ACYP2: variants seen among roughly 807,000 people sequenced by gnomAD.
The protein encoded by ACYP2 is acylphosphatase-2.
In ACYP2, 12 loss-of-function variants were observed where a neutral mutation model predicts 11.2. That is an observed-to-expected ratio of 1.08 (90% CI 0.69 to 1.74). ACYP2 has a LOEUF of 1.74. Among genes scored for constraint, ACYP2 ranks in the 40% most tolerant of loss-of-function variants. The probability of loss-of-function intolerance (pLI) is 0.00; values close to 1 mark genes in which losing one functional copy is unlikely to be tolerated. For synonymous variants in ACYP2, 43 were observed against 32.2 expected (o/e 1.33, Z -1.13); for missense variants, 134 against 101.9 (o/e 1.31, Z -1.35).
At chr2:54,051,177 G>T in intron 3 of ACYP2, 2 of 715,546 alleles carry the variant, frequency 2.8e-6, no homozygotes, top group South Asian at 3.2e-5. Context: ...GGCATTGGGC[G>T]ACTCTGCCTC....
At chr2:54,225,379 A>G (rs180882205) in intron 6 of ACYP2, among the ~76,000 whole-genome samples, 1 of 152,348 alleles carries the variant, frequency 6.6e-6, no homozygotes, top group African/African-American at 2.4e-5. Flanking sequence ...TTTTTAAGTC[A>G]CAGAGAAAAA....
At chr2:54,258,051 T>C (rs1687631834) in intron 6 of ACYP2, among the ~76,000 whole-genome samples, 1 of 152,252 alleles carries the variant, frequency 6.6e-6, no homozygotes, top group Non-Finnish European at 1.5e-5. Context: ...GTGTGCCTGG[T>C]ACTCTTATAG....
chr2:54,018,290 A>G (rs1457319199), intron 2 of ACYP2, among the ~76,000 whole-genome samples: 6 of 152,166 alleles, frequency 3.9e-5, no homozygotes, highest in African/African-American at 9.7e-5. Flanking sequence ...TTGTATTTCC[A>G]TTAGATTCCC....
chr2:54,116,890 G>C (rs1299957047), intron 4 of ACYP2, among the ~76,000 whole-genome samples: 1 of 152,186 alleles, frequency 6.6e-6, no homozygotes, highest in African/African-American at 2.4e-5. Context: ...ACGAGCTCAA[G>C]TGGCGGGGTG....
chr2:54,020,904 T>TA (rs1238297508), intron 2 of ACYP2, among the ~76,000 whole-genome samples: 1 of 152,222 alleles, frequency 6.6e-6, no homozygotes, highest in East Asian at 1.9e-4. Context: ...TGGTAAATGT[T>TA]AAAATAAATT....
intron 4 of ACYP2, among the ~76,000 whole-genome samples, chr2:54,124,920 G>T (rs929536459): frequency 6.6e-6 from 1 of 151,958 alleles, no homozygotes; most frequent in African/African-American, 2.4e-5. Context: ...GCTACGTTTT[G>T]TATTCATATT....
intron 4 of ACYP2, among the ~76,000 whole-genome samples, chr2:54,089,261 A>T (rs923931014): frequency 3.9e-5 from 6 of 152,154 alleles, no homozygotes; most frequent in African/African-American, 1.4e-4. Flanking sequence ...TAATTGAATC[A>T]ATGTGTTAAC....
rs564803950 is a variant in ACYP2 at position 53,993,657 on chromosome 2, A to G, written c.62+19847A>G. 1.1e-3 allele frequency among the ~76,000 whole-genome samples: 166 copies of G among 151,714 alleles called. 1 individual carries two copies. The highest frequency in any genetic ancestry group is 4.0e-3 in the African/African-American group (166 of 41,316). ...GGATGCAGTAAGCCAAGATCATGCC[A>G]CTGCACTCCAGCCTGAGCGACAGAG... is the stretch of plus-strand genomic sequence containing the variant. On this transcript the variant is annotated intron_variant, in intron 2 of 6. Transcript: ENST00000607452.
intron 2 of ACYP2, among the ~76,000 whole-genome samples, chr2:54,039,819 T>TGTGTGTGTGTGTGTG (rs1675125815): frequency 1.6e-5 from 2 of 126,608 alleles, no homozygotes; most frequent in Admixed American, 8.3e-5. Flanking sequence ...TTGTTTTCTT[T>TGTGTGTGTGTGTGTG]TGTGTGTGTG....
intron 6 of ACYP2, chr2:54,256,345 T>C: frequency 1.6e-6 from 1 of 614,214 alleles, no homozygotes; most frequent in South Asian, 2.2e-5. Context: ...CTTTACGTCT[T>C]TGTTATTTTA....
intron 1 of ACYP2, chr2:53,971,383 GCCTA>G (rs1257223419): frequency 6.6e-6 from 1 of 152,272 alleles, no homozygotes. Flanking sequence ...TTATGGAAAA[GCCTA>G]CGTACCCACT....
chr2:54,269,702 A>C (rs912899490), intron 6 of ACYP2, among the ~76,000 whole-genome samples: 3 of 152,186 alleles, frequency 2.0e-5, no homozygotes, highest in Non-Finnish European at 4.4e-5. Flanking sequence ...TCTCATCTCT[A>C]TGTTGAAAAA....
intron 4 of ACYP2, among the ~76,000 whole-genome samples, chr2:54,065,159 G>C (rs1242950562): frequency 6.6e-6 from 1 of 152,172 alleles, no homozygotes; most frequent in Non-Finnish European, 1.5e-5. Context: ...TGTTGGCTTA[G>C]AGTAGGAGTT....
At chr2:53,999,806 C>T (rs1672723368) in intron 2 of ACYP2, among the ~76,000 whole-genome samples, 1 of 152,064 alleles carries the variant, frequency 6.6e-6, no homozygotes, top group Admixed American at 6.6e-5. Flanking sequence ...ATACAGTAAA[C>T]ACAAAGACCC....
chr2:54,249,854 C>G (rs1430072350), intron 6 of ACYP2, among the ~76,000 whole-genome samples: 2 of 145,148 alleles, frequency 1.4e-5, no homozygotes, highest in African/African-American at 5.1e-5. Context: ...TGAGGCAGAT[C>G]ACTTGAGCCC....
At chr2:54,117,385 T>G (rs1343412102) in intron 4 of ACYP2, among the ~76,000 whole-genome samples, 1 of 152,192 alleles carries the variant, frequency 6.6e-6, no homozygotes, top group East Asian at 1.9e-4. Flanking sequence ...AGCCTGGAAC[T>G]CCTGGGCTCA....
At chr2:54,049,205 G>A (rs1296249822) in intron 2 of ACYP2, among the ~76,000 whole-genome samples, 2 of 152,120 alleles carry the variant, frequency 1.3e-5, no homozygotes, top group Non-Finnish European at 2.9e-5. Context: ...AGACTGCAGT[G>A]AGCCAAGATC....
intron 6 of ACYP2, among the ~76,000 whole-genome samples, chr2:54,248,265 G>C (rs1314208289): frequency 1.3e-5 from 2 of 151,678 alleles, no homozygotes; most frequent in African/African-American, 4.9e-5. Flanking sequence ...CCGCAAGGCT[G>C]AAAGTATGTT....
chr2:54,201,255 G>A lies in ACYP2; in HGVS notation c.404+62507G>A, dbSNP rs184694037. On this transcript the variant is annotated intron_variant, in intron 6 of 6. Coordinates refer to ENST00000607452, the MANE Select transcript of ACYP2 (RefSeq NM_001320586.2). ...CGAGTAGCAGGGACCATAGGCGCCC[G>A]CCACCACGCCCGACTAATTTTTTGT... Among the ~76,000 whole-genome samples the A allele has an allele frequency of 4.0e-3, 614 of 152,084 alleles. 6 individuals carry two copies. Among genetic ancestry groups the A allele is most frequent in the African/African-American group, 0.014 (587 of 41,494 alleles).
Sources: allele counts gnomAD v4.1 joint callset (sites outside exome capture counted in the v4.1 genomes callset), GRCh38; gene constraint gnomAD v4.1.1; transcripts MANE v1.5; gene names NCBI Gene and HGNC (gene_info 2026-07-23, HGNC 2026-07-21).